The following DYM variants were observed in gnomAD, a reference collection of about 807,000 sequenced individuals.
DYM encodes the protein dyggve-Melchior-Clausen syndrome protein.
A neutral mutation model predicts 93.1 loss-of-function variants in DYM; 78 were observed. The ratio of observed to expected loss-of-function variants is 0.84; its 90% CI spans 0.70 to 1.01. DYM has a LOEUF of 1.01. Ranked by LOEUF, DYM falls within the 50% of genes least tolerant of loss-of-function variation. The pLI, the probability that DYM is intolerant of heterozygous loss-of-function variation, is 0.00. For missense variants in DYM, 789 were observed against 845.0 expected (o/e 0.93, Z 0.82); for synonymous variants, 321 against 319.7 (o/e 1.00, Z -0.04).
chr18:49,161,874 G>C (rs540262652), intron 15 of DYM, among the ~76,000 whole-genome samples: 1 of 152,294 alleles, frequency 6.6e-6, no homozygotes, highest in East Asian at 1.9e-4. Context: ...ATTTAGAAAT[G>C]AAACAAACCA....
rs67482709 is a variant in DYM, at chr18:49,063,619, CTTTTTTT to C, written c.2026-19422_2026-19416del. Among the ~76,000 whole-genome samples the C allele has an allele frequency of 4.2e-3, 303 of 71,988 alleles. 5 individuals carry two copies. The highest frequency in any genetic ancestry group is 0.014 in the African/African-American group (288 of 20,280). The allele number at this position is 71,988 out of a possible 152,430, so 47.2% of individuals were successfully genotyped here. A position where few individuals can be genotyped will look rare whatever the true frequency, so the allele number is the denominator to read the frequency against. On this transcript the variant is annotated intron_variant, in intron 17 of 17. Transcript: ENST00000675505. Reference sequence around the variant, plus strand: ...GGTAGTAATTTCTTTCTTTCTCTCTCTTTTTTTTTTTTTTTTTTTTTTTTTAGACAGA... The same window carrying C: ...GGTAGTAATTTCTTTCTTTCTCTCTCTTTTTTTTTTTTTTTTTTAGACAGA...
chr18:49,404,550 A>G lies in DYM; in HGVS notation c.141-12905T>C, dbSNP rs138221704. Among the ~76,000 whole-genome samples, 580 of 152,020 alleles carry G rather than the reference A, an allele frequency of 3.8e-3. 5 individuals are homozygous for G. Among genetic ancestry groups the G allele is most frequent in the African/African-American group, 0.013 (540 of 41,454 alleles). ...ACATTCCCACCAACGATGTATAAGC[A>G]CTCCCTTTTCTCTGCAGCCTCACCA... On this transcript the variant is annotated intron_variant, in intron 2 of 17. Transcript: ENST00000675505.
chr18:49,103,754 C>T (rs1330018321), intron 16 of DYM, among the ~76,000 whole-genome samples: 3 of 152,152 alleles, frequency 2.0e-5, no homozygotes, highest in Admixed American at 1.3e-4. Flanking sequence ...GGGCTCTGTT[C>T]TGTTCCATTG....
At chr18:49,079,453 G>C in intron 17 of DYM, among the ~76,000 whole-genome samples, 1 of 151,694 alleles carries the variant, frequency 6.6e-6, no homozygotes, top group East Asian at 1.9e-4. Flanking sequence ...TTCTCGCAGA[G>C]GGGGATTTGG....
intron 11 of DYM, among the ~76,000 whole-genome samples, chr18:49,267,748 A>C (rs933380843): frequency 2.6e-5 from 4 of 152,122 alleles, no homozygotes; most frequent in African/African-American, 9.7e-5. Flanking sequence ...AAATACAAAA[A>C]TTAGCCAGGC....
intron 16 of DYM, among the ~76,000 whole-genome samples, chr18:49,100,443 C>A (rs9960914): frequency 0.025 from 3,784 of 151,968 alleles, 149 homozygotes; most frequent in African/African-American, 0.085. Context: ...GTTGACTCTG[C>A]GGCCTATACT....
chr18:49,273,390 AC>A (rs1452256886), intron 10 of DYM, among the ~76,000 whole-genome samples: 1 of 152,158 alleles, frequency 6.6e-6, no homozygotes, highest in Non-Finnish European at 1.5e-5. Context: ...CTCACATTCC[AC>A]ATTACCTAGT....
intron 17 of DYM, among the ~76,000 whole-genome samples, chr18:49,050,437 C>T (rs1307369813): frequency 3.3e-5 from 5 of 152,116 alleles, no homozygotes; most frequent in African/African-American, 1.2e-4. Context: ...CTTTTGCAAT[C>T]TAATGGGGTA....
intron 16 of DYM, among the ~76,000 whole-genome samples, chr18:49,109,888 C>G (rs1256340418): frequency 6.6e-6 from 1 of 150,984 alleles, no homozygotes; most frequent in Non-Finnish European, 1.5e-5. Context: ...AATTATCTCC[C>G]AACACACATG....
intron 13 of DYM, among the ~76,000 whole-genome samples, chr18:49,215,583 G>C (rs929037916): frequency 3.3e-5 from 5 of 152,116 alleles, no homozygotes; most frequent in African/African-American, 1.2e-4. Flanking sequence ...GAAGTAAACA[G>C]ATTATTCTAG....
In DYM at chr18:49,272,214, C is replaced by T. The variant is rs1014918528; in HGVS notation, c.1215G>A (p.Thr405=). 10 of 1,611,396 alleles carry T rather than the reference C, an allele frequency of 6.2e-6. No homozygotes were observed. Among genetic ancestry groups the T allele is most frequent in the African/African-American group, 5.3e-5 (4 of 74,778 alleles). The change falls in exon 11 of 18, where the codon ACG becomes ACA. Residue 405 remains threonine (T), a synonymous_variant. Transcript: ENST00000675505. ...TGGATCTGTTGAAGCCATCATCTTCCGTAAGGATCAACAATATTATAAGGG... is the reference window on the plus strand; with the variant it reads ...TGGATCTGTTGAAGCCATCATCTTCTGTAAGGATCAACAATATTATAAGGG... ...YMALIILLIL[T]EDDGFNRSIH... is the part of the protein sequence containing the mutation.
At chr18:49,432,006 TAA>T (rs889735598) in intron 1 of DYM, 2 of 152,214 alleles carry the variant, frequency 1.3e-5, no homozygotes, top group African/African-American at 4.8e-5. Flanking sequence ...GCCTCTATAT[TAA>T]GACAGCTAAT....
chr18:49,297,448 G>C (rs2060632548), intron 8 of DYM, among the ~76,000 whole-genome samples: 1 of 152,168 alleles, frequency 6.6e-6, no homozygotes, highest in African/African-American at 2.4e-5. Flanking sequence ...GTATTGGAGA[G>C]AGGGTTCTGG....
intron 17 of DYM, among the ~76,000 whole-genome samples, chr18:49,050,007 C>T (rs914698960): frequency 1.3e-5 from 2 of 151,122 alleles, no homozygotes; most frequent in African/African-American, 4.9e-5. Context: ...CAGAGTCAGG[C>T]TCAACTGGAG....
In DYM at chr18:49,286,491, C is replaced by T; in HGVS notation, c.889G>A (p.Ala297Thr). ...LLLVLANLTD[A>T]SDAPNPYRQA... ...CTGTAGGGGTTTGGCGCATCTGAGG[C>T]ATCTGTCAGATTGGCCAACACCAGC... The change falls in exon 9 of 18, where the codon GCC becomes ACC. Residue 297 changes from alanine to threonine, a missense_variant. Physicochemically the swap from Ala to Thr is moderately conservative, Grantham distance 58. This residue lies in a region of DYM where 450 missense variants were observed against 436.2 expected (regional missense o/e 1.03). Coordinates refer to ENST00000675505, the MANE Select transcript of DYM (RefSeq NM_001353214.3). The T allele has an allele frequency of 1.2e-6, 2 of 1,614,156 alleles. No individual in the cohort carries two copies. The highest frequency in any genetic ancestry group is 1.7e-6 in the Non-Finnish European group (2 of 1,180,002).
chr18:49,453,380 T>G (rs2082698260), intron 1 of DYM, among the ~76,000 whole-genome samples: 1 of 152,202 alleles, frequency 6.6e-6, no homozygotes, highest in Non-Finnish European at 1.5e-5. Flanking sequence ...CTTTCGCTCT[T>G]TGCAATAAAT....
intron 14 of DYM, among the ~76,000 whole-genome samples, chr18:49,194,717 T>G (rs990692416): frequency 1.3e-5 from 2 of 152,162 alleles, no homozygotes; most frequent in African/African-American, 4.8e-5. Flanking sequence ...CTTCAATAAA[T>G]CTTAACAATA....
intron 6 of DYM, among the ~76,000 whole-genome samples, chr18:49,360,259 CAAAA>C (rs5824786): frequency 8.7e-6 from 1 of 115,356 alleles, no homozygotes. Context: ...TCAATAAAGG[CAAAA>C]AAAAAAAAAA....
chr18:49,260,931 C>T (rs923313418), intron 11 of DYM, among the ~76,000 whole-genome samples: 2 of 150,406 alleles, frequency 1.3e-5, no homozygotes, highest in Non-Finnish European at 3.0e-5. Flanking sequence ...AACAGCAGGA[C>T]AAATCCAGAA....
Sources: allele counts gnomAD v4.1 joint callset (sites outside exome capture counted in the v4.1 genomes callset), GRCh38; gene constraint gnomAD v4.1.1; regional missense constraint gnomAD v4.1.1; transcripts MANE v1.5; gene names NCBI Gene and HGNC (gene_info 2026-07-23, HGNC 2026-07-21).